PHRF1: variants seen among roughly 807,000 people sequenced by gnomAD.
The protein encoded by PHRF1 is PHD and ring finger domains 1.
In PHRF1, 53 loss-of-function variants were observed where a neutral mutation model predicts 128.9. That is an observed-to-expected ratio of 0.41 (90% confidence interval 0.33 to 0.52). The LOEUF (loss-of-function observed/expected upper bound fraction) is 0.52. PHRF1 is among the 20% of genes least tolerant of loss of function. The pLI, the probability that PHRF1 is intolerant of heterozygous loss-of-function variation, is 0.21. For synonymous variants in PHRF1, 1,178 were observed against 980.6 expected (o/e 1.20, Z -3.76); for missense variants, 2,503 against 2,284.5 (o/e 1.10, Z -1.95).
At chr11:610,901 C>T (rs1356541354) in intron 16 of PHRF1, 53 bp from the exon 17 acceptor site, 1 of 1,602,230 alleles carries the variant, frequency 6.2e-7, no homozygotes, top group East Asian at 2.2e-5. Context: ...TGCCTCTGGC[C>T]AGAGGGACTC....
At chr11:611,131 C>G in intron 17 of PHRF1, 49 bp downstream of exon 17, 1 of 1,601,086 alleles carries the variant, frequency 6.2e-7, no homozygotes, top group Non-Finnish European at 8.5e-7. Context: ...ACGGGCGGTA[C>G]GTCGCTGCTG....
At chr11:594,177 C>T (rs1489919266) in intron 6 of PHRF1, among the ~76,000 whole-genome samples, 1 of 152,184 alleles carries the variant, frequency 6.6e-6, no homozygotes, top group East Asian at 1.9e-4. Context: ...CCTCTTTTGT[C>T]CTCTTTACCT....
intron 9 of PHRF1, among the ~76,000 whole-genome samples, chr11:601,243 G>T (rs1426339397): frequency 6.6e-6 from 1 of 151,942 alleles, no homozygotes; most frequent in Non-Finnish European, 1.5e-5. Context: ...CCAGAGGCCA[G>T]CCTGGGCAAC....
rs550997661 is a variant in PHRF1, at chr11:589,759, C to T, written c.421-1625C>T. On this transcript the variant is annotated intron_variant, in intron 4 of 17. Coordinates refer to ENST00000264555, the MANE Select transcript of PHRF1 (RefSeq NM_001286581.2). The stretch of plus-strand genomic sequence containing the variant: ...AACAGTCTGAGAGAGTGTCTGCAAA[C>T]GGGCACGGAGCATGTCAGGCTCAGC... Among the ~76,000 whole-genome samples the T allele has an allele frequency of 4.1e-4, 63 of 152,374 alleles. 1 individual carries two copies. Among genetic ancestry groups the T allele is most frequent in the African/African-American group, 1.4e-3 (60 of 41,582 alleles).
chr11:587,874 C>T (rs1050949080), intron 4 of PHRF1, among the ~76,000 whole-genome samples: 13 of 152,220 alleles, frequency 8.5e-5, no homozygotes, highest in African/African-American at 2.9e-4. Context: ...TTCACAATAA[C>T]TGGCATCAAA....
rs1029297899 is a variant in PHRF1, at chr11:587,239, C to T, written c.215-20C>T. ...ACGCTGCCCATCCTGCTTGCACCAG[C>T]TGGCATGTTTCCTCTCCAGGTTCCG... On this transcript the variant is annotated intron_variant, in intron 3 of 17. Transcript: ENST00000264555. 3.7e-6 allele frequency: 6 copies of T among 1,610,658 alleles called. No individual in the cohort carries two copies. In the Admixed American group the frequency reaches 1.0e-4, roughly 27 times the overall value.
intron 4 of PHRF1, among the ~76,000 whole-genome samples, chr11:589,974 C>T (rs1195692152): frequency 1.4e-5 from 2 of 140,298 alleles, no homozygotes; most frequent in Non-Finnish European, 1.5e-5. Flanking sequence ...TGAGAGTCTG[C>T]AAACGGGCAC....
At chr11:578,740 C>T (rs371131968) in intron 1 of PHRF1, among the ~76,000 whole-genome samples, 1 of 152,122 alleles carries the variant, frequency 6.6e-6, no homozygotes, top group Admixed American at 6.5e-5. Context: ...TGGTTTTTAA[C>T]GGTTTTGCCA....
At position 609,453 on chromosome 11, in the gene PHRF1, C is replaced by A. The variant is rs567150423; in HGVS notation, c.3997C>A (p.Gln1333Lys). The A allele has an allele frequency of 4.4e-6, 7 of 1,606,016 alleles. No homozygotes were observed. The East Asian group carries it at 1.1e-4, about 26-fold the overall frequency. The change falls in exon 14 of 18, where the codon CAG becomes AAG. Residue 1333 changes from glutamine (Q) to lysine (K), a missense_variant. Physicochemically the swap from Gln to Lys is moderately conservative, Grantham distance 53 (BLOSUM62 1). Coordinates refer to ENST00000264555, the MANE Select transcript of PHRF1 (RefSeq NM_001286581.2). Reference sequence around the variant, plus strand: ...ATTGATGCACGATGAAGACCCTTCGCAGCCCCCACCCCTGCCAGAGGGCAC... The same window carrying A: ...ATTGATGCACGATGAAGACCCTTCGAAGCCCCCACCCCTGCCAGAGGGCAC... ...VSLMHDEDPS[Q>K]PPPLPEGTQE...
chr11:591,483 G>T lies in PHRF1; in HGVS notation c.504+16G>T, dbSNP rs1346969120. 4 of 1,589,266 alleles carry T rather than the reference G, an allele frequency of 2.5e-6. No individual in the cohort carries two copies. The East Asian group carries it at 9.2e-5, about 37-fold the overall frequency. On this transcript the variant is annotated intron_variant, in intron 5 of 17. Transcript: ENST00000264555. The stretch of plus-strand genomic sequence containing the variant: ...CTTAAGAAAGGTGAGTGTGGACGCT[G>T]CCGTGGAGGCCCCAGCCGTGCTTCT...
chr11:590,305 C>A (rs1854891474), intron 4 of PHRF1, among the ~76,000 whole-genome samples: 1 of 152,252 alleles, frequency 6.6e-6, no homozygotes, highest in Non-Finnish European at 1.5e-5. Flanking sequence ...AGTGCGCCCA[C>A]ACGAAGACAC....
intron 1 of PHRF1, among the ~76,000 whole-genome samples, chr11:580,126 CAG>C (rs1222895138): frequency 4.6e-5 from 7 of 152,322 alleles, no homozygotes; most frequent in Admixed American, 1.3e-4. Flanking sequence ...TGGTGGGAAA[CAG>C]AGTGCTGCAG....
At chr11:598,988 T>G (rs1021894562) in intron 9 of PHRF1, among the ~76,000 whole-genome samples, 3 of 152,204 alleles carry the variant, frequency 2.0e-5, no homozygotes, top group African/African-American at 7.2e-5. Context: ...GACTTGGTTC[T>G]CAGAGGTCCA....
At chr11:578,252 T>C (rs965994557) in intron 1 of PHRF1, among the ~76,000 whole-genome samples, 14 of 152,330 alleles carry the variant, frequency 9.2e-5, no homozygotes, top group East Asian at 3.9e-4. Context: ...GGTTATTTTG[T>C]GTTCTCTGGC....
chr11:590,402 T>C (rs2132931369), intron 4 of PHRF1, among the ~76,000 whole-genome samples: 1 of 152,284 alleles, frequency 6.6e-6, no homozygotes, highest in South Asian at 2.1e-4. Context: ...CAGAATGCCA[T>C]GAGCAGAGTC....
chr11:585,185 C>T (rs1046778692), intron 3 of PHRF1, among the ~76,000 whole-genome samples: 6 of 152,170 alleles, frequency 3.9e-5, no homozygotes, highest in African/African-American at 1.2e-4. Flanking sequence ...CTGGTGTTTC[C>T]TGCTGGAAAT....
At position 610,701 on chromosome 11, in the gene PHRF1, C is replaced by A. The variant is rs1326737494; in HGVS notation, c.4617C>A (p.Ser1539Arg). ...SEPASQATAASNSEEKTPAPR... is the reference protein window; with the variant it reads ...SEPASQATAARNSEEKTPAPR... Reference sequence around the variant, plus strand: ...CAGCCAGTCAAGCCACTGCAGCCAGCAACTCGGAGGAGAAGACCCCGGCCC... The same window carrying A: ...CAGCCAGTCAAGCCACTGCAGCCAGAAACTCGGAGGAGAAGACCCCGGCCC... Residue 1539 changes from serine (S) to arginine (R), a missense_variant, in exon 16 of 18, where the codon AGC becomes AGA. Coordinates refer to ENST00000264555, the MANE Select transcript of PHRF1 (RefSeq NM_001286581.2). 6.2e-7 allele frequency: 1 copy of A among 1,603,658 alleles called. No individual in the cohort carries two copies. Among genetic ancestry groups the A allele is most frequent in the East Asian group, 2.2e-5 (1 of 44,876 alleles).
chr11:605,535 G>A (rs1589895633), intron 11 of PHRF1, 70 bp from the exon 12 acceptor site: 25 of 1,584,402 alleles, frequency 1.6e-5, no homozygotes, highest in Admixed American at 7.1e-5. Flanking sequence ...CCTCCGTGCC[G>A]TCTCCCTGGG....
intron 6 of PHRF1, among the ~76,000 whole-genome samples, chr11:593,317 C>T (rs527443191): frequency 6.6e-6 from 1 of 152,224 alleles, no homozygotes; most frequent in African/African-American, 2.4e-5. Context: ...GAAATCTTTC[C>T]CTTGTTGAAA....
Sources: allele counts gnomAD v4.1 joint callset (sites outside exome capture counted in the v4.1 genomes callset), GRCh38; gene constraint gnomAD v4.1.1; transcripts MANE v1.5; gene names NCBI Gene and HGNC (gene_info 2026-07-23, HGNC 2026-07-21).